The following IARS1 variants were observed in gnomAD, a reference collection of about 807,000 sequenced individuals.
The protein encoded by IARS1 is isoleucyl-tRNA synthetase 1, also known as isoleucine--tRNA ligase, cytoplasmic.
Under a neutral mutation model 168.2 loss-of-function variants are expected in IARS1, and 124 were observed. That is an observed-to-expected ratio of 0.74 (90% CI 0.64 to 0.86). IARS1 has a LOEUF of 0.86. Ranked by LOEUF, IARS1 falls within the 40% of genes least tolerant of loss-of-function variation. The pLI, the probability that IARS1 is intolerant of heterozygous loss-of-function variation, is 0.00. For missense variants in IARS1, 1,452 were observed against 1,515.8 expected, an observed-to-expected ratio of 0.96 and a Z score of 0.70; for synonymous variants, 532 against 529.4, an observed-to-expected ratio of 1.00 and a Z score of -0.07.
chr9:92,251,982 A>G (rs1329625553), intron 21 of IARS1, 97 bp from the exon 22 acceptor site: 8 of 859,884 alleles, frequency 9.3e-6, no homozygotes, highest in Non-Finnish European at 1.5e-5. Flanking sequence ...TTCAAAGAAC[A>G]TGCAGCATAC....
chr9:92,263,033 C>T lies in IARS1; in HGVS notation c.1723G>A (p.Ala575Thr). The T allele has an allele frequency of 6.2e-7, 1 of 1,613,788 alleles. No homozygotes were observed. Among genetic ancestry groups the T allele is most frequent in the African/African-American group, 1.3e-5 (1 of 75,002 alleles). Residue 575 changes from alanine (A) to threonine (T), a missense_variant, in exon 17 of 34, where the codon GCC (alanine) becomes ACC (threonine). Transcript: ENST00000443024. ...RGWFYTLLVLATALFGQPPFK... is the reference protein window; with the variant it reads ...RGWFYTLLVLTTALFGQPPFK... ...GGCGGTTGTCCAAAGAGGGCCGTGG[C>T]CAGCACCAGCAGGGTATAAAACCTG...
intron 30 of IARS1, among the ~76,000 whole-genome samples, chr9:92,237,837 TATTAG>T (rs1216080137): frequency 6.6e-6 from 1 of 152,228 alleles, no homozygotes. Context: ...TGTATCATTA[TATTAG>T]AAGTTTGTTA....
At chr9:92,254,483 T>G (rs558490557) in intron 20 of IARS1, among the ~76,000 whole-genome samples, 1 of 152,240 alleles carries the variant, frequency 6.6e-6, no homozygotes, top group Non-Finnish European at 1.5e-5. Flanking sequence ...CCGGCAGAGC[T>G]GCTCTCTGCT....
At chr9:92,278,711 T>C (rs529071398) in intron 7 of IARS1, among the ~76,000 whole-genome samples, 7 of 152,308 alleles carry the variant, frequency 4.6e-5, no homozygotes, top group African/African-American at 1.7e-4. Flanking sequence ...GGTAAATGTG[T>C]AAGTTCTTTT....
chr9:92,285,746 GT>G lies in IARS1; in HGVS notation c.572del (p.Asn191ThrfsTer18). 6.2e-7 allele frequency: 1 copy of G among 1,608,708 alleles called. No homozygotes were observed. The highest frequency in any genetic ancestry group is 8.5e-7 in the Non-Finnish European group (1 of 1,175,058). ...FSTACNTPLS[N>X]FESHQNYKDV... The stretch of plus-strand genomic sequence containing the variant: ...CCTTATAATTCTGGTGTGACTCGAA[GT>G]TGGAAAGTGGAGTGTTACATGCCGT... On this transcript the variant is annotated frameshift_variant, in exon 6 of 34. Transcript: ENST00000443024. LOFTEE classifies it high-confidence loss of function.
chr9:92,282,843 T>C (rs1342954617), intron 6 of IARS1, among the ~76,000 whole-genome samples: 10 of 140,606 alleles, frequency 7.1e-5, no homozygotes, highest in African/African-American at 2.4e-4. Context: ...CACACACATA[T>C]ATATATATAT....
chr9:92,271,716 G>A (rs1459812392), intron 10 of IARS1, 61 bp from the exon 11 acceptor site: 4 of 1,541,924 alleles, frequency 2.6e-6, no homozygotes, highest in African/African-American at 2.7e-5. Context: ...TGAGCATGAG[G>A]TAATAGATTC....
At chr9:92,256,609 T>C (rs207470372) in intron 20 of IARS1, 71 bp downstream of exon 20, 1 of 1,395,196 alleles carries the variant, frequency 7.2e-7, no homozygotes, top group Non-Finnish European at 9.8e-7. Context: ...ATTTCCACTA[T>C]TAAATATCAA....
chr9:92,291,845 G>A (rs1026031305), intron 1 of IARS1, among the ~76,000 whole-genome samples: 3 of 152,046 alleles, frequency 2.0e-5, no homozygotes, highest in South Asian at 2.1e-4. Context: ...GCCTCACCTC[G>A]CACCTACGAG....
chr9:92,277,998 T>C, intron 8 of IARS1, 75 bp from the exon 9 acceptor site: 1 of 1,376,366 alleles, frequency 7.3e-7, no homozygotes, highest in Non-Finnish European at 1.0e-6. Flanking sequence ...AAGCTACCAC[T>C]CCCCTCTGGT....
intron 14 of IARS1, among the ~76,000 whole-genome samples, chr9:92,265,871 C>G (rs749075430): frequency 6.6e-6 from 1 of 152,318 alleles, no homozygotes; most frequent in East Asian, 1.9e-4. Flanking sequence ...GCTGCCCAGG[C>G]TGGTCTCAAA....
At chr9:92,245,288 C>T (rs1297305742) in intron 26 of IARS1, among the ~76,000 whole-genome samples, 1 of 152,194 alleles carries the variant, frequency 6.6e-6, no homozygotes, top group Non-Finnish European at 1.5e-5. Flanking sequence ...GTTAAGTCAT[C>T]ACCAGTATCT....
At chr9:92,234,886 C>T (rs1445500233) in intron 30 of IARS1, among the ~76,000 whole-genome samples, 1 of 151,838 alleles carries the variant, frequency 6.6e-6, no homozygotes, top group Non-Finnish European at 1.5e-5. Context: ...TCTTGTTGCC[C>T]AAACTACAGT....
intron 5 of IARS1, 93 bp from the exon 6 acceptor site, chr9:92,285,932 G>A: frequency 1.4e-6 from 1 of 729,390 alleles, no homozygotes; most frequent in East Asian, 2.5e-5. Flanking sequence ...GTTTCTGTCT[G>A]CCAAATAAGT....
At chr9:92,289,749 C>G (rs1177544878) in intron 1 of IARS1, among the ~76,000 whole-genome samples, 1 of 152,122 alleles carries the variant, frequency 6.6e-6, no homozygotes, top group Non-Finnish European at 1.5e-5. Flanking sequence ...TCTTTCTGTC[C>G]CTGCAGATTT....
Position 92,273,455 on chromosome 9 carries a change from C to T in IARS1, c.990+971G>A, listed in dbSNP as rs1486266079. On this transcript the variant is annotated intron_variant, in intron 10 of 33. Coordinates refer to ENST00000443024, the MANE Select transcript of IARS1 (RefSeq NM_002161.6). Reference sequence around the variant, plus strand: ...GGATGAGGATTTGCTTTTAAATCCTCCAGCCAAAATAAAAAAGTGTGCTAC... The same window carrying T: ...GGATGAGGATTTGCTTTTAAATCCTTCAGCCAAAATAAAAAAGTGTGCTAC... Among the ~76,000 whole-genome samples, 3 of 151,996 alleles carry T rather than the reference C, an allele frequency of 2.0e-5. No individual in the cohort carries two copies. In the East Asian group the frequency reaches 5.8e-4, roughly 29 times the overall value.
intron 6 of IARS1, 32 bp downstream of exon 6, chr9:92,285,690 A>C: frequency 7.4e-7 from 1 of 1,354,428 alleles, no homozygotes; most frequent in Non-Finnish European, 1.1e-6. Flanking sequence ...TACAAAACTC[A>C]ATGCTGAATA....
chr9:92,260,791 C>T (rs1831416170), intron 17 of IARS1, among the ~76,000 whole-genome samples: 1 of 152,150 alleles, frequency 6.6e-6, no homozygotes, highest in Non-Finnish European at 1.5e-5. Context: ...CAGAATATAT[C>T]CCAAAGAAAT....
intron 30 of IARS1, among the ~76,000 whole-genome samples, chr9:92,229,440 C>T (rs1012298955): frequency 6.6e-6 from 1 of 151,690 alleles, no homozygotes; most frequent in Admixed American, 6.6e-5. Flanking sequence ...ATGGTCCAGG[C>T]ATAGAACTCT....
Sources: gnomAD v4.1 joint callset for allele counts (sites outside exome capture counted in the v4.1 genomes callset) on GRCh38, gnomAD v4.1.1 for gene constraint, MANE v1.5 for transcripts, NCBI Gene and HGNC (gene_info 2026-07-23, HGNC 2026-07-21) for gene names.